Variants in EBF2 observed in about 807,000 individuals in gnomAD.
EBF2 encodes transcription factor COE2.
In EBF2, 21 loss-of-function variants were observed where a neutral mutation model predicts 72.8. The ratio of observed to expected loss-of-function variants is 0.29; its 90% CI spans 0.20 to 0.42. The LOEUF is 0.42. Ranked by LOEUF, EBF2 falls within the 10% of genes least tolerant of loss-of-function variation. The probability of loss-of-function intolerance (pLI) is 1.00; values close to 1 mark genes in which losing one functional copy is unlikely to be tolerated. For missense variants in EBF2, 637 were observed against 731.2 expected (o/e 0.87, Z 1.49); for synonymous variants, 299 against 274.2 (o/e 1.09, Z -0.89).
rs563228404 is a variant in EBF2, at chr8:26,002,220, A to G, written c.551+30865T>C. Among the ~76,000 whole-genome samples, 4 of 152,202 alleles carry G rather than the reference A, an allele frequency of 2.6e-5. No individual in the cohort carries two copies. The South Asian group carries it at 8.3e-4, about 32-fold the overall frequency. ...TTGTGGTCATCTTGCCTAAGGCAACATGAAGTCTGCTGGTGGGGTGAGGGA... is the reference window on the plus strand; with the variant it reads ...TTGTGGTCATCTTGCCTAAGGCAACGTGAAGTCTGCTGGTGGGGTGAGGGA... On this transcript the variant is annotated intron_variant, in intron 6 of 15. Transcript: ENST00000520164.
intron 6 of EBF2, among the ~76,000 whole-genome samples, chr8:26,016,731 T>C (rs1417300706): frequency 6.6e-6 from 1 of 152,174 alleles, no homozygotes; most frequent in Non-Finnish European, 1.5e-5. Flanking sequence ...TCTTTTGATC[T>C]CAAGAAAACC....
rs188528721 is a variant in EBF2, at chr8:26,007,448, C to T, written c.551+25637G>A. The stretch of plus-strand genomic sequence containing the variant: ...AATATTGTCATTTACTGCTTGTTCT[C>T]CTCTATTTCATTTGAGTTTTTTTTT... On this transcript the variant is annotated intron_variant, in intron 6 of 15. Coordinates refer to ENST00000520164, the MANE Select transcript of EBF2 (RefSeq NM_022659.4). Among the ~76,000 whole-genome samples the T allele has an allele frequency of 2.4e-3, 366 of 152,228 alleles. 1 individual carries two copies. The highest frequency in any genetic ancestry group is 5.1e-3 in the Admixed American group (78 of 15,292).
At position 26,040,933 on chromosome 8, in the gene EBF2, G is replaced by A. The variant is rs1585238426; in HGVS notation, c.352+6C>T. 2 of 1,614,184 alleles carry A rather than the reference G, an allele frequency of 1.2e-6. No homozygotes were observed. The highest frequency in any genetic ancestry group is 1.7e-6 in the Non-Finnish European group (2 of 1,180,022). On this transcript the variant is annotated splice_donor_region_variant and intron_variant, in intron 3 of 15. Transcript: ENST00000520164. Reference sequence around the variant, plus strand: ...GCCGGCTCACCGTTGCTGTAGAAGAGCTCACCGTTGCTGTAGAGGAGCTGT... The same window carrying A: ...GCCGGCTCACCGTTGCTGTAGAAGAACTCACCGTTGCTGTAGAGGAGCTGT...
At chr8:25,950,093 A>G (rs1330034759) in intron 6 of EBF2, among the ~76,000 whole-genome samples, 1 of 152,246 alleles carries the variant, frequency 6.6e-6, no homozygotes, top group Non-Finnish European at 1.5e-5. Flanking sequence ...TCCGAAGACC[A>G]GCTTCTATAA....
chr8:25,959,405 A>G (rs886185175), intron 6 of EBF2, among the ~76,000 whole-genome samples: 8 of 152,062 alleles, frequency 5.3e-5, no homozygotes, highest in Non-Finnish European at 1.0e-4. Flanking sequence ...GGATTTCACC[A>G]AGTTCGTCAG....
At chr8:25,948,029 G>C (rs181815658) in intron 6 of EBF2, among the ~76,000 whole-genome samples, 1 of 152,172 alleles carries the variant, frequency 6.6e-6, no homozygotes, top group East Asian at 1.9e-4. Flanking sequence ...CTAAGGCCAC[G>C]CACGATGCCA....
intron 6 of EBF2, among the ~76,000 whole-genome samples, chr8:26,021,003 G>T (rs1476060746): frequency 6.6e-6 from 1 of 152,200 alleles, no homozygotes; most frequent in Non-Finnish European, 1.5e-5. Context: ...TATCACTCGA[G>T]CCTAAACAAT....
At position 25,849,497 on chromosome 8, in the gene EBF2, C is replaced by T. The variant is rs62500478; in HGVS notation, c.1696+1097G>A. Among the ~76,000 whole-genome samples the T allele has an allele frequency of 9.8e-4, 149 of 152,294 alleles. 1 individual carries two copies. Among genetic ancestry groups the T allele is most frequent in the South Asian group, 3.5e-3 (17 of 4,824 alleles). On this transcript the variant is annotated intron_variant, in intron 15 of 15. Transcript: ENST00000520164. ...ACTGCTGACCTTACAGCCTTTGATC[C>T]ATGAGGGTTAATGAAACCTCTTCCC...
At chr8:25,992,446 G>C (rs1405715047) in intron 6 of EBF2, among the ~76,000 whole-genome samples, 2 of 151,860 alleles carry the variant, frequency 1.3e-5, no homozygotes, top group African/African-American at 2.4e-5. Flanking sequence ...GCTGAACTAG[G>C]AACTGCACAA....
intron 7 of EBF2, among the ~76,000 whole-genome samples, chr8:25,907,941 T>G (rs1026391770): frequency 7.9e-5 from 12 of 152,160 alleles, no homozygotes; most frequent in African/African-American, 2.9e-4. Flanking sequence ...GCAAGGGTGA[T>G]GAAACCGGTG....
intron 6 of EBF2, among the ~76,000 whole-genome samples, chr8:25,957,764 G>A (rs905482385): frequency 1.3e-5 from 2 of 152,202 alleles, no homozygotes; most frequent in African/African-American, 2.4e-5. Context: ...TACTTGGGAG[G>A]TTGAGATGAA....
intron 6 of EBF2, among the ~76,000 whole-genome samples, chr8:25,910,341 A>ACC (rs1050377646): frequency 2.0e-4 from 30 of 152,028 alleles, no homozygotes; most frequent in African/African-American, 5.8e-4. Flanking sequence ...CCCCCGCTGC[A>ACC]CCCCACACTG....
At chr8:26,041,053 G>A (rs773543996) in intron 2 of EBF2, 51 bp from the exon 3 acceptor site, 1 of 1,599,778 alleles carries the variant, frequency 6.3e-7, no homozygotes, top group Non-Finnish European at 8.6e-7. Context: ...CCCCCAAAAT[G>A]AGGGAAAGAG....
At chr8:25,917,436 G>A (rs1190083372) in intron 6 of EBF2, among the ~76,000 whole-genome samples, 1 of 152,144 alleles carries the variant, frequency 6.6e-6, no homozygotes, top group African/African-American at 2.4e-5. Flanking sequence ...CTCACAAAAT[G>A]TCTTTGGAGG....
intron 6 of EBF2, among the ~76,000 whole-genome samples, chr8:26,013,768 T>C (rs1263324382): frequency 6.6e-6 from 1 of 152,136 alleles, no homozygotes; most frequent in Non-Finnish European, 1.5e-5. Context: ...AAGAAAACCT[T>C]GTCGATATGA....
At chr8:26,042,673 C>T (rs920286437) in intron 1 of EBF2, among the ~76,000 whole-genome samples, 1 of 152,160 alleles carries the variant, frequency 6.6e-6, no homozygotes, top group Non-Finnish European at 1.5e-5. Context: ...GAGCTGGGGC[C>T]CAGGGTTAGG....
chr8:25,979,491 C>T (rs1480280111), intron 6 of EBF2, among the ~76,000 whole-genome samples: 2 of 152,186 alleles, frequency 1.3e-5, no homozygotes, highest in African/African-American at 4.8e-5. Flanking sequence ...ACACAGGACC[C>T]CTGAAGGGCA....
intron 6 of EBF2, among the ~76,000 whole-genome samples, chr8:26,030,833 A>C (rs562686889): frequency 2.6e-5 from 4 of 152,354 alleles, no homozygotes; most frequent in African/African-American, 9.6e-5. Context: ...TACGATTTCC[A>C]CTTTCTCAGA....
intron 6 of EBF2, among the ~76,000 whole-genome samples, chr8:25,962,245 G>A (rs1356106162): frequency 1.3e-5 from 2 of 152,182 alleles, no homozygotes; most frequent in Admixed American, 1.3e-4. Context: ...ATTTCCTTGA[G>A]GATTGTAAGC....
Sources: gnomAD v4.1 joint callset for allele counts (sites outside exome capture counted in the v4.1 genomes callset) on GRCh38, gnomAD v4.1.1 for gene constraint, MANE v1.5 for transcripts, NCBI Gene and HGNC (gene_info 2026-07-23, HGNC 2026-07-21) for gene names.